COL26A1: variants seen among roughly 807,000 people sequenced by gnomAD.
COL26A1 encodes the protein collagen alpha-1(XXVI) chain.
A neutral mutation model predicts 59.3 loss-of-function variants in COL26A1; 41 were observed. The observed-to-expected ratio is 0.69, with a 90% confidence interval of 0.54 to 0.90. The LOEUF (loss-of-function observed/expected upper bound fraction) is 0.90. Among genes scored for constraint, COL26A1 ranks in the 40% least tolerant of loss-of-function variants. The pLI is 0.00. For synonymous variants in COL26A1, 266 were observed against 256.0 expected (o/e 1.04, Z -0.37); for missense variants, 612 against 602.3 (o/e 1.02, Z -0.17).
intron 3 of COL26A1, among the ~76,000 whole-genome samples, chr7:101,490,202 C>A (rs1794428457): frequency 6.6e-6 from 1 of 151,738 alleles, no homozygotes; most frequent in Admixed American, 6.6e-5. Context: ...TCCCAAAGTG[C>A]TGGAATTACA....
intron 2 of COL26A1, among the ~76,000 whole-genome samples, chr7:101,426,530 G>T (rs905279692): frequency 2.0e-5 from 3 of 152,180 alleles, no homozygotes; most frequent in Non-Finnish European, 4.4e-5. Flanking sequence ...TCCCAAAAAA[G>T]AGAGGAAGGG....
Position 101,420,079 on chromosome 7 carries a change from G to T in COL26A1, c.261G>T (p.Gly87=). 1 of 1,613,326 alleles carries T rather than the reference G, an allele frequency of 6.2e-7. No individual in the cohort carries two copies. Among genetic ancestry groups the T allele is most frequent in the Non-Finnish European group, 8.5e-7 (1 of 1,179,884 alleles). The change falls in exon 2 of 13, where the codon GGG becomes GGT. Residue 87 remains glycine (G), a synonymous_variant. Coordinates refer to ENST00000313669, the MANE Select transcript of COL26A1 (RefSeq NM_001278563.3). ...QRVYQSCRWP[G]PCANLVSYRT... ...TGTACCAGAGCTGCCGGTGGCCGGGGCCCTGCGCCAACCTCGTAAGGTAAA... is the reference window on the plus strand; with the variant it reads ...TGTACCAGAGCTGCCGGTGGCCGGGTCCCTGCGCCAACCTCGTAAGGTAAA...
intron 2 of COL26A1, among the ~76,000 whole-genome samples, chr7:101,446,388 G>A (rs1218415039): frequency 1.3e-5 from 2 of 152,072 alleles, no homozygotes; most frequent in Non-Finnish European, 2.9e-5. Flanking sequence ...TCTGTGCCTG[G>A]GTGGTTCATG....
intron 1 of COL26A1, among the ~76,000 whole-genome samples, chr7:101,406,076 T>C (rs1184726131): frequency 6.6e-6 from 1 of 152,224 alleles, no homozygotes; most frequent in East Asian, 1.9e-4. Context: ...ACAACTCCTT[T>C]GCCCTTCAGA....
At position 101,371,484 on chromosome 7, in the gene COL26A1, G is replaced by GT. The variant is rs1491047227; in HGVS notation, c.158+8295dup. On this transcript the variant is annotated intron_variant, in intron 1 of 12. Transcript: ENST00000313669. ...GACAACATAGCCAGACCCTGTCTCT[G>GT]TAAAAAAAAAAAAAATTAAAAAATT... Among the ~76,000 whole-genome samples, 26 of 47,612 alleles carry GT rather than the reference G, an allele frequency of 5.5e-4. 1 individual carries two copies. The highest frequency in any genetic ancestry group is 2.2e-3 in the African/African-American group (21 of 9,650). 31.2% of individuals were successfully genotyped at this position (47,612 alleles called of 152,430 possible).
intron 3 of COL26A1, among the ~76,000 whole-genome samples, chr7:101,530,951 G>GT (rs112946304): frequency 0.012 from 1,870 of 150,566 alleles, 14 homozygotes; most frequent in Non-Finnish European, 0.019. Context: ...TTTATTTCTT[G>GT]TTTTTTTTTG....
At position 101,471,432 on chromosome 7, in the gene COL26A1, G is replaced by T. The variant is rs1239848431; in HGVS notation, c.385+23645G>T. On this transcript the variant is annotated intron_variant, in intron 3 of 12. Transcript: ENST00000313669. The stretch of plus-strand genomic sequence containing the variant: ...GAGTTGCCGAGTATAGTGAAGCTAA[G>T]ATAATGTATTAGAGACTACTCAATT... Among the ~76,000 whole-genome samples, 4 of 152,154 alleles carry T rather than the reference G, an allele frequency of 2.6e-5. No individual in the cohort carries two copies. The East Asian group carries it at 7.7e-4, about 29-fold the overall frequency.
chr7:101,545,566 G>T, intron 7 of COL26A1, 76 bp downstream of exon 7: 2 of 1,477,744 alleles, frequency 1.4e-6, no homozygotes, highest in Non-Finnish European at 1.8e-6. Flanking sequence ...TTCCTTAAAG[G>T]ATCCTGGGAA....
At chr7:101,546,038 C>A (rs1458782539) in intron 7 of COL26A1, among the ~76,000 whole-genome samples, 1 of 152,224 alleles carries the variant, frequency 6.6e-6, no homozygotes, top group Non-Finnish European at 1.5e-5. Flanking sequence ...CTCGGGGGCA[C>A]CGGCCAGTCC....
intron 3 of COL26A1, among the ~76,000 whole-genome samples, chr7:101,455,585 C>T (rs1454492582): frequency 1.3e-5 from 2 of 150,268 alleles, no homozygotes; most frequent in African/African-American, 4.9e-5. Context: ...TCACTGCAAC[C>T]TCCGCCTCCC....
intron 3 of COL26A1, among the ~76,000 whole-genome samples, chr7:101,495,206 A>T (rs1794555508): frequency 6.6e-6 from 1 of 152,186 alleles, no homozygotes; most frequent in African/African-American, 2.4e-5. Context: ...ACACAGGGCT[A>T]GAGCTTTATC....
chr7:101,474,100 T>C (rs1294397225), intron 3 of COL26A1, among the ~76,000 whole-genome samples: 3 of 152,146 alleles, frequency 2.0e-5, no homozygotes, highest in Non-Finnish European at 4.4e-5. Context: ...CATCACTTCC[T>C]TTTACTTTCC....
chr7:101,430,809 A>G (rs80031964), intron 2 of COL26A1, among the ~76,000 whole-genome samples: 25 of 151,144 alleles, frequency 1.7e-4, no homozygotes, highest in African/African-American at 5.6e-4. Flanking sequence ...ATTTTATTTT[A>G]TTTGAGACGG....
At chr7:101,364,227 A>G (rs1007510292) in intron 1 of COL26A1, among the ~76,000 whole-genome samples, 1 of 115,182 alleles carries the variant, frequency 8.7e-6, no homozygotes, top group African/African-American at 4.4e-5. Flanking sequence ...TCGTTTGCAT[A>G]ACTCGCTTGA....
chr7:101,373,217 A>G (rs17453425), intron 1 of COL26A1, among the ~76,000 whole-genome samples: 92,691 of 151,934 alleles, frequency 0.61, 30,968 homozygotes, highest in African/African-American at 0.9. Flanking sequence ...GGGAGTGCTC[A>G]GAGCTAGCAG....
intron 5 of COL26A1, among the ~76,000 whole-genome samples, chr7:101,540,365 C>CCCATT (rs1795587667): frequency 6.6e-6 from 1 of 151,824 alleles, no homozygotes; most frequent in African/African-American, 2.4e-5. Context: ...TGGTGAAACC[C>CCCATT]TGTCTCTACT....
At chr7:101,534,877 C>T (rs1487966821) in intron 4 of COL26A1, among the ~76,000 whole-genome samples, 1 of 152,162 alleles carries the variant, frequency 6.6e-6, no homozygotes, top group Non-Finnish European at 1.5e-5. Flanking sequence ...CCCTGCAGGG[C>T]TGTTGAGAGC....
intron 1 of COL26A1, among the ~76,000 whole-genome samples, chr7:101,397,465 CTCCTTCCT>C (rs902567468): frequency 1.8e-4 from 21 of 115,104 alleles, no homozygotes; most frequent in African/African-American, 9.0e-4. Flanking sequence ...TTTCTTTGCT[CTCCTTCCT>C]TCCTTCCTTC....
At chr7:101,390,548 C>T (rs1463954943) in intron 1 of COL26A1, among the ~76,000 whole-genome samples, 2 of 152,170 alleles carry the variant, frequency 1.3e-5, no homozygotes, top group Non-Finnish European at 2.9e-5. Context: ...ACCTCTGCCT[C>T]CTGAGTAGCT....
Sources: gnomAD v4.1 joint callset for allele counts (sites outside exome capture counted in the v4.1 genomes callset) on GRCh38, gnomAD v4.1.1 for gene constraint, MANE v1.5 for transcripts, NCBI Gene and HGNC (gene_info 2026-07-23, HGNC 2026-07-21) for gene names.